LINGO2: variants seen among roughly 807,000 people sequenced by gnomAD.
The protein encoded by LINGO2 is leucine rich repeat and Ig domain containing 2.
Under a neutral mutation model 30.6 loss-of-function variants are expected in LINGO2, and 14 were observed. The ratio of observed to expected loss-of-function variants is 0.46; its 90% CI spans 0.30 to 0.72. LINGO2 has a LOEUF of 0.72. Among genes scored for constraint, LINGO2 ranks in the 30% least tolerant of loss-of-function variants. The probability of loss-of-function intolerance (pLI) is 0.07; values close to 1 mark genes in which losing one functional copy is unlikely to be tolerated. For synonymous variants in LINGO2, 317 were observed against 288.5 expected (o/e 1.10, Z -1.00); for missense variants, 729 against 751.7 (o/e 0.97, Z 0.35).
chr9:28,268,424 A>G (rs1243423378), intron 4 of LINGO2, among the ~76,000 whole-genome samples: 1 of 152,100 alleles, frequency 6.6e-6, no homozygotes, highest in Non-Finnish European at 1.5e-5. Flanking sequence ...ATGACACAAC[A>G]AAGAAGATAA....
chr9:28,057,630 C>CATATATGTATATAAATATATAT (rs1287192981), intron 4 of LINGO2, among the ~76,000 whole-genome samples: 1 of 130,306 alleles, frequency 7.7e-6, no homozygotes, highest in African/African-American at 2.8e-5. Context: ...TATATATACA[C>CATATATGTATATAAATATATAT]ACATATATAA....
chr9:29,079,761 A>G, the LINGO2 span, among the ~76,000 whole-genome samples: 1 of 151,184 alleles, frequency 6.6e-6, no homozygotes, highest in East Asian at 2.0e-4. Flanking sequence ...TCCTTTACCA[A>G]AGACACCCTG....
At chr9:28,630,810 TCTA>T (rs1227928324) in intron 1 of LINGO2, among the ~76,000 whole-genome samples, 1 of 151,904 alleles carries the variant, frequency 6.6e-6, no homozygotes, top group Admixed American at 6.6e-5. Context: ...AGTTTAACAC[TCTA>T]CTGAGAGTAT....
chr9:29,084,201 T>G, the LINGO2 span, among the ~76,000 whole-genome samples: 2 of 151,914 alleles, frequency 1.3e-5, no homozygotes, highest in Non-Finnish European at 2.9e-5. Flanking sequence ...CAAAAAAATG[T>G]GGTTGAAATT....
the LINGO2 span, among the ~76,000 whole-genome samples, chr9:28,761,224 A>G: frequency 6.6e-6 from 1 of 151,972 alleles, no homozygotes; most frequent in Admixed American, 6.6e-5. Context: ...GCTTTTAACA[A>G]AGAAAAAAGA....
At chr9:27,952,593 T>A (rs534144535) in intron 5 of LINGO2, among the ~76,000 whole-genome samples, 1 of 151,794 alleles carries the variant, frequency 6.6e-6, no homozygotes, top group Non-Finnish European at 1.5e-5. Flanking sequence ...AAAAATAAAG[T>A]CAAGAAAACA....
chr9:29,002,168 T>C, the LINGO2 span, among the ~76,000 whole-genome samples: 176 of 152,204 alleles, frequency 1.2e-3, no homozygotes, highest in African/African-American at 4.0e-3. Flanking sequence ...AAGATGGGTA[T>C]ATTCTTATAC....
At chr9:27,946,734 A>C (rs796854124), downstream of LINGO2, among the ~76,000 whole-genome samples, 1 of 152,262 alleles carries the variant, frequency 6.6e-6, no homozygotes, top group African/African-American at 2.4e-5. Flanking sequence ...GTTTGATATA[A>C]GGTATTTGGC....
chr9:28,280,010 C>A (rs985134033), intron 4 of LINGO2, among the ~76,000 whole-genome samples: 1 of 152,074 alleles, frequency 6.6e-6, no homozygotes, highest in South Asian at 2.1e-4. Flanking sequence ...AGGAGTATGG[C>A]AGGCCCTGAG....
intron 1 of LINGO2, among the ~76,000 whole-genome samples, chr9:28,666,707 G>T (rs950540235): frequency 1.3e-5 from 2 of 152,000 alleles, no homozygotes; most frequent in Non-Finnish European, 2.9e-5. Flanking sequence ...AAGCCTCAGA[G>T]ACCTCATATA....
intron 4 of LINGO2, among the ~76,000 whole-genome samples, chr9:28,088,361 G>C (rs1305734909): frequency 6.6e-6 from 1 of 151,992 alleles, no homozygotes; most frequent in Non-Finnish European, 1.5e-5. Context: ...CCATGGCTAA[G>C]ACTGCTATGC....
At chr9:28,773,233 C>T in the LINGO2 span, among the ~76,000 whole-genome samples, 2 of 151,726 alleles carry the variant, frequency 1.3e-5, no homozygotes, top group East Asian at 1.9e-4. Context: ...GGTGTAGTGG[C>T]GGGCGCCTGT....
intron 4 of LINGO2, among the ~76,000 whole-genome samples, chr9:28,279,102 G>C (rs899811910): frequency 7.9e-5 from 12 of 152,180 alleles, no homozygotes; most frequent in African/African-American, 2.4e-4. Flanking sequence ...AGATCCTGAA[G>C]ATGTGACTAA....
intron 2 of LINGO2, among the ~76,000 whole-genome samples, chr9:28,387,056 G>A (rs1204181177): frequency 6.6e-6 from 1 of 152,172 alleles, no homozygotes; most frequent in African/African-American, 2.4e-5. Flanking sequence ...CCTGGGTTGA[G>A]TGGGGACTTG....
At chr9:27,998,565 G>A (rs1821783805) in intron 5 of LINGO2, among the ~76,000 whole-genome samples, 1 of 152,200 alleles carries the variant, frequency 6.6e-6, no homozygotes, top group South Asian at 2.1e-4. Flanking sequence ...GATCACCTGA[G>A]GCCAGGAATT....
rs184849581 is a variant in LINGO2 at position 28,503,752 on chromosome 9, T to C, written c.-364-27727A>G. ...AGTTCTTCCATGGGAAAACTCCGCC[T>C]GCCACATCTTCCCGAGGTATGAGTC... On this transcript the variant is annotated intron_variant, in intron 1 of 5. Transcript: ENST00000379992. Among the ~76,000 whole-genome samples the C allele has an allele frequency of 3.2e-3, 482 of 151,978 alleles. 4 individuals are homozygous for C. The highest frequency in any genetic ancestry group is 0.011 in the African/African-American group (447 of 41,498).
intron 4 of LINGO2, among the ~76,000 whole-genome samples, chr9:28,275,344 A>C (rs1228443968): frequency 6.6e-6 from 1 of 152,028 alleles, no homozygotes; most frequent in Non-Finnish European, 1.5e-5. Flanking sequence ...AAGTGCTGGG[A>C]TTACAGGCGT....
At chr9:28,253,600 A>T (rs1328825925) in intron 4 of LINGO2, among the ~76,000 whole-genome samples, 4 of 152,140 alleles carry the variant, frequency 2.6e-5, no homozygotes, top group Non-Finnish European at 5.9e-5. Flanking sequence ...ATGTTAAATG[A>T]AAAAAAGTCT....
intron 4 of LINGO2, among the ~76,000 whole-genome samples, chr9:28,047,422 T>C (rs528821680): frequency 6.6e-6 from 1 of 151,612 alleles, no homozygotes. Flanking sequence ...CTTCCACTTC[T>C]TTTCCAGTTG....
Sources: allele counts gnomAD v4.1 joint callset (sites outside exome capture counted in the v4.1 genomes callset), GRCh38; gene constraint gnomAD v4.1.1; transcripts MANE v1.5; gene names NCBI Gene and HGNC (gene_info 2026-07-23, HGNC 2026-07-21).